The following PLS1 variants were observed in gnomAD, a reference collection of about 807,000 sequenced individuals.
The protein encoded by PLS1 is plastin-1.
PLS1 carries 32 observed loss-of-function variants against 73.7 expected under a neutral mutation model. The ratio of observed to expected loss-of-function variants is 0.43; its 90% CI spans 0.33 to 0.58. PLS1 has a LOEUF of 0.58. Ranked by LOEUF, PLS1 falls within the 20% of genes least tolerant of loss-of-function variation. The pLI is 0.04. For missense variants in PLS1, 633 were observed against 740.5 expected (o/e 0.85, Z 1.68); for synonymous variants, 217 against 261.3 (o/e 0.83, Z 1.63).
intron 1 of PLS1, among the ~76,000 whole-genome samples, chr3:142,650,087 GTAAC>G (rs2037049750): frequency 6.6e-6 from 1 of 150,892 alleles, no homozygotes; most frequent in Non-Finnish European, 1.5e-5. Flanking sequence ...ATTGTTTTGA[GTAAC>G]CACCAAAAGA....
chr3:142,672,373 C>T (rs180919287), intron 4 of PLS1, among the ~76,000 whole-genome samples: 107 of 136,908 alleles, frequency 7.8e-4, no homozygotes, highest in African/African-American at 2.9e-3. Context: ...GATGGCGTCT[C>T]GCTCTGTCGT....
chr3:142,654,748 A>G (rs2037183987), intron 1 of PLS1: 1 of 152,226 alleles, frequency 6.6e-6, no homozygotes, highest in African/African-American at 2.4e-5. Flanking sequence ...TTGTGCTTCC[A>G]ATACACAGCA....
intron 12 of PLS1, among the ~76,000 whole-genome samples, chr3:142,699,410 G>A (rs56921402): frequency 0.07 from 10,631 of 152,170 alleles, 1,220 homozygotes; most frequent in African/African-American, 0.24. Context: ...AGTGAGCCGA[G>A]ATGTGCCATT....
At chr3:142,662,246 G>A (rs929423135) in intron 1 of PLS1, among the ~76,000 whole-genome samples, 4 of 152,168 alleles carry the variant, frequency 2.6e-5, no homozygotes, top group African/African-American at 4.8e-5. Flanking sequence ...AAAAAAGGAT[G>A]AGTTCATGTC....
chr3:142,690,185 TA>T (rs1458310576), intron 10 of PLS1, among the ~76,000 whole-genome samples: 1 of 152,156 alleles, frequency 6.6e-6, no homozygotes, highest in African/African-American at 2.4e-5. Flanking sequence ...GTTCTCTTTT[TA>T]AGGTTTTTAG....
intron 10 of PLS1, among the ~76,000 whole-genome samples, chr3:142,694,125 T>C (rs997587630): frequency 2.0e-5 from 3 of 152,040 alleles, no homozygotes; most frequent in South Asian, 2.1e-4. Context: ...AAACATTTTG[T>C]TTTTATTAAT....
At position 142,610,194 on chromosome 3, in the gene PLS1, G is replaced by A. The variant is rs191799949; in HGVS notation, c.-37+13685G>A. Among the ~76,000 whole-genome samples, 347 of 152,206 alleles carry A rather than the reference G, an allele frequency of 2.3e-3. 2 individuals are homozygous for A. Among genetic ancestry groups the A allele is most frequent in the African/African-American group, 8.0e-3 (334 of 41,520 alleles). On this transcript the variant is annotated intron_variant, in intron 1 of 15. Coordinates refer to ENST00000457734, the MANE Select transcript of PLS1 (RefSeq NM_001145319.2). Reference sequence around the variant, plus strand: ...ACTCTAAGTGTTTTATATGAATTACGTTAATTTAGATTGGGCAGTGCAGTT... The same window carrying A: ...ACTCTAAGTGTTTTATATGAATTACATTAATTTAGATTGGGCAGTGCAGTT...
intron 1 of PLS1, among the ~76,000 whole-genome samples, chr3:142,647,442 C>T (rs2036976007): frequency 6.6e-6 from 1 of 151,756 alleles, no homozygotes; most frequent in East Asian, 1.9e-4. Context: ...GTTTTTCTCC[C>T]TTAGCTGGGG....
chr3:142,602,226 C>T (rs573726596), intron 1 of PLS1, among the ~76,000 whole-genome samples: 4 of 152,136 alleles, frequency 2.6e-5, no homozygotes, highest in African/African-American at 9.6e-5. Context: ...GATCTGCTCC[C>T]ACCCTCTTTT....
chr3:142,700,551 T>C (rs1329238237), intron 12 of PLS1, among the ~76,000 whole-genome samples: 1 of 152,190 alleles, frequency 6.6e-6, no homozygotes, highest in Non-Finnish European at 1.5e-5. Flanking sequence ...TCTTGTCTCC[T>C]GACCTCGTGA....
rs140153411 is a variant in PLS1 at position 142,696,854 on chromosome 3, GA to G, written c.1257-1098del. Among the ~76,000 whole-genome samples the G allele has an allele frequency of 5.8e-3, 878 of 151,782 alleles. 10 individuals are homozygous for G. The highest frequency in any genetic ancestry group is 0.021 in the African/African-American group (855 of 41,430). ...CCAGAACCTATAGAAATACTTCAGT[GA>G]TTTTTTTTTATACAGAATGTTTCAT... On this transcript the variant is annotated intron_variant, in intron 11 of 15. Coordinates refer to ENST00000457734, the MANE Select transcript of PLS1 (RefSeq NM_001145319.2).
chr3:142,695,755 GACTT>G (rs201328660), intron 11 of PLS1, among the ~76,000 whole-genome samples: 13,258 of 115,896 alleles, frequency 0.11, 1,205 homozygotes, highest in African/African-American at 0.32. Flanking sequence ...ATAGTAAGGA[GACTT>G]ACTTATTTAT....
intron 1 of PLS1, among the ~76,000 whole-genome samples, chr3:142,629,679 G>A (rs987532563): frequency 2.6e-5 from 4 of 152,134 alleles, no homozygotes; most frequent in African/African-American, 4.8e-5. Flanking sequence ...CAGCCACACG[G>A]TAAAAAACCA....
rs918952580 is a variant in PLS1 at position 142,684,247 on chromosome 3, C to T, written c.746-6C>T. The T allele has an allele frequency of 5.0e-6, 8 of 1,614,034 alleles. No homozygotes were observed. Among genetic ancestry groups the T allele is most frequent in the Non-Finnish European group, 6.8e-6 (8 of 1,179,974 alleles). On this transcript the variant is annotated splice_region_variant and splice_polypyrimidine_tract_variant and intron_variant, in intron 7 of 15. Coordinates refer to ENST00000457734, the MANE Select transcript of PLS1 (RefSeq NM_001145319.2). ...AAGAATTTACATTTCGCTGTTTTGC[C>T]CTCAGCTCTGATTGCATTGTTAAAT...
rs1390086944 is a variant in PLS1, at chr3:142,652,474, T to A, written c.-36-11728T>A. Among the ~76,000 whole-genome samples the A allele has an allele frequency of 2.6e-5, 4 of 152,192 alleles. No homozygotes were observed. In the East Asian group the frequency reaches 7.7e-4, roughly 29 times the overall value. ...CTCTACCAACAAAGAGGCAAAGATT[T>A]TTGTGCCCCTTGGACAAGCTGCAGT... On this transcript the variant is annotated intron_variant, in intron 1 of 15. Transcript: ENST00000457734.
intron 1 of PLS1, among the ~76,000 whole-genome samples, chr3:142,652,171 G>A (rs1577841002): frequency 6.6e-6 from 1 of 152,312 alleles, no homozygotes; most frequent in South Asian, 2.1e-4. Flanking sequence ...TTGTTCAGCA[G>A]GTCCTCAGAA....
intron 1 of PLS1, among the ~76,000 whole-genome samples, chr3:142,621,031 T>A (rs2036305423): frequency 6.6e-6 from 1 of 151,712 alleles, no homozygotes; most frequent in Non-Finnish European, 1.5e-5. Context: ...AAAAATAAAA[T>A]AAAATAAAAG....
rs543209011 is a variant in PLS1, at chr3:142,597,044, C to T, written c.-37+535C>T. 2.0e-5 allele frequency among the ~76,000 whole-genome samples: 3 copies of T among 152,278 alleles called. No individual in the cohort carries two copies. The South Asian group carries it at 6.2e-4, about 32-fold the overall frequency. ...CAAAAAACTTTCCGTGTTTCAGCTG[C>T]ATTTTCAAGTGGAGACTTAAAAAAA... On this transcript the variant is annotated intron_variant, in intron 1 of 15. Coordinates refer to ENST00000457734, the MANE Select transcript of PLS1 (RefSeq NM_001145319.2).
chr3:142,700,670 A>G (rs2038314063), intron 12 of PLS1, among the ~76,000 whole-genome samples: 1 of 152,150 alleles, frequency 6.6e-6, no homozygotes. Flanking sequence ...GTGTCCCATT[A>G]TGTAACTCTT....
Sources: gnomAD v4.1 joint callset for allele counts (sites outside exome capture counted in the v4.1 genomes callset) on GRCh38, gnomAD v4.1.1 for gene constraint, MANE v1.5 for transcripts, NCBI Gene and HGNC (gene_info 2026-07-23, HGNC 2026-07-21) for gene names.